TMEM14B: variants seen among roughly 807,000 people sequenced by gnomAD.
TMEM14B encodes transmembrane protein 14B.
In TMEM14B, 9 loss-of-function variants were observed where a neutral mutation model predicts 14.8. The ratio of observed to expected loss-of-function variants is 0.61; its 90% CI spans 0.37 to 1.06. The LOEUF (loss-of-function observed/expected upper bound fraction) is 1.06. TMEM14B is among the 50% of genes least tolerant of loss of function. The pLI, the probability that TMEM14B is intolerant of heterozygous loss-of-function variation, is 0.01. For synonymous variants in TMEM14B, 40 were observed against 51.3 expected, an observed-to-expected ratio of 0.78 and a Z score of 0.94; for missense variants, 128 against 143.6, an observed-to-expected ratio of 0.89 and a Z score of 0.56.
intron 3 of TMEM14B, 33 bp from the exon 4 acceptor site, chr6:10,751,100 A>G (rs1036175721): frequency 6.2e-7 from 1 of 1,611,680 alleles, no homozygotes; most frequent in Non-Finnish European, 8.5e-7. Context: ...AGTGCCTGAC[A>G]TTACAATGCA....
chr6:10,755,717 G>A, intron 5 of TMEM14B: 1 of 980,866 alleles, frequency 1.0e-6, no homozygotes, highest in South Asian at 4.1e-5. Flanking sequence ...CACAGTGGGA[G>A]GCCATGGCGG....
intron 4 of TMEM14B, among the ~76,000 whole-genome samples, chr6:10,752,335 A>G (rs1275094412): frequency 1.3e-5 from 2 of 151,304 alleles, no homozygotes; most frequent in Middle Eastern, 3.2e-3. Flanking sequence ...CTTCTCCCTG[A>G]CCGTCTCCAG....
intron 3 of TMEM14B, among the ~76,000 whole-genome samples, chr6:10,750,438 T>TG (rs113108299): frequency 0.038 from 2,437 of 64,796 alleles, 60 homozygotes; most frequent in African/African-American, 0.097. Flanking sequence ...TAGAATGGGG[T>TG]GGGGGGGGGG....
rs1483956375 is a variant in TMEM14B at position 10,751,121 on chromosome 6, G to C, written c.101-12G>C. ...TGACATTACAATGCAAGCTGCGTTT[G>C]CTTCCTTCTAGGCAGCGTGCCGTCC... On this transcript the variant is annotated splice_polypyrimidine_tract_variant and intron_variant, in intron 3 of 5. Coordinates refer to ENST00000379542, the MANE Select transcript of TMEM14B (RefSeq NM_030969.5). 6.2e-7 allele frequency: 1 copy of C among 1,613,092 alleles called. No homozygotes were observed. Among genetic ancestry groups the C allele is most frequent in the Admixed American group, 1.7e-5 (1 of 59,954 alleles).
intron 5 of TMEM14B, 111 bp from the exon 6 acceptor site, chr6:10,756,356 T>G: frequency 7.7e-7 from 1 of 1,291,498 alleles, no homozygotes; most frequent in Non-Finnish European, 1.1e-6. Context: ...CTTGCCTTAG[T>G]ACCTCCTCCC....
At chr6:10,757,629 T>C (rs1771853577), downstream of TMEM14B, among the ~76,000 whole-genome samples, 1 of 152,252 alleles carries the variant, frequency 6.6e-6, no homozygotes, top group African/African-American at 2.4e-5. Context: ...TAGTTCACTT[T>C]ATTCATGTTT....
intron 4 of TMEM14B, among the ~76,000 whole-genome samples, chr6:10,752,478 A>G (rs1391034593): frequency 8.6e-6 from 1 of 115,972 alleles, no homozygotes; most frequent in East Asian, 2.7e-4. Flanking sequence ...TTTTTTTGAG[A>G]CGGAGTCTCA....
chr6:10,749,820 A>C, intron 3 of TMEM14B, 122 bp downstream of exon 3: 8 of 1,141,718 alleles, frequency 7.0e-6, no homozygotes, highest in Non-Finnish European at 9.2e-6. Context: ...CCCAAGCTGG[A>C]GTGCAGGCTT....
chr6:10,750,498 G>A (rs974142006), intron 3 of TMEM14B, among the ~76,000 whole-genome samples: 1 of 151,758 alleles, frequency 6.6e-6, no homozygotes, highest in Non-Finnish European at 1.5e-5. Flanking sequence ...AAGTTAAAAG[G>A]ATAAATGGTT....
rs1771452883 is a variant in TMEM14B, at chr6:10,749,188, C to T, written c.-44-14C>T. The T allele has an allele frequency of 6.9e-6, 11 of 1,596,912 alleles. No homozygotes were observed. Among genetic ancestry groups the T allele is most frequent in the Non-Finnish European group, 9.4e-6 (11 of 1,164,990 alleles). ...GTGCTTTTAACCACTGCTGATCCGGCTTGTTTTCCCCAGATGCAGGCCTGG... is the reference window on the plus strand; with the variant it reads ...GTGCTTTTAACCACTGCTGATCCGGTTTGTTTTCCCCAGATGCAGGCCTGG... On this transcript the variant is annotated splice_polypyrimidine_tract_variant and intron_variant, in intron 1 of 5. Coordinates refer to ENST00000379542, the MANE Select transcript of TMEM14B (RefSeq NM_030969.5).
At chr6:10,755,097 C>A (rs187472023) in intron 4 of TMEM14B, 45 bp from the exon 5 acceptor site, 5 of 1,600,306 alleles carry the variant, frequency 3.1e-6, no homozygotes, top group Non-Finnish European at 4.3e-6. Flanking sequence ...GATTCCCCTG[C>A]GTAGAAGACT....
At chr6:10,754,704 C>T (rs556677897) in intron 4 of TMEM14B, among the ~76,000 whole-genome samples, 3 of 152,164 alleles carry the variant, frequency 2.0e-5, no homozygotes, top group East Asian at 3.8e-4. Context: ...AAGACAGTTA[C>T]GATTACTTTT....
chr6:10,749,124 T>A lies in TMEM14B; in HGVS notation c.-44-78T>A, dbSNP rs1468101589. The A allele has an allele frequency of 4.4e-6, 4 of 901,610 alleles. No individual in the cohort carries two copies. In the African/African-American group the frequency reaches 6.6e-5, roughly 15 times the overall value. The allele number at this position is 901,610 out of a possible 1,614,324, so 55.9% of individuals were successfully genotyped here. On this transcript the variant is annotated intron_variant, in intron 1 of 5. Transcript: ENST00000379542. The stretch of plus-strand genomic sequence containing the variant: ...ATACTGAGACTTAGGTTGCATAGCC[T>A]GCAGGTTGGACACACTTCTTTCTGA...
rs747987846 is a variant in TMEM14B, at chr6:10,755,246, A to G, written c.293+14A>G. On this transcript the variant is annotated intron_variant, in intron 5 of 5. Coordinates refer to ENST00000379542, the MANE Select transcript of TMEM14B (RefSeq NM_030969.5). ...TGCAGGTGCCAGGTACTTTCATTCT[A>G]TTACTCTTCTTTACCATGTAGAGTT... 26 of 1,613,984 alleles carry G rather than the reference A, an allele frequency of 1.6e-5. No homozygotes were observed. The highest frequency in any genetic ancestry group is 1.6e-4 in the Middle Eastern group (1 of 6,084).
intron 1 of TMEM14B, among the ~76,000 whole-genome samples, chr6:10,748,700 T>G (rs950384564): frequency 1.6e-4 from 24 of 152,142 alleles, no homozygotes; most frequent in Non-Finnish European, 3.1e-4. Flanking sequence ...TTCCGTGTAT[T>G]TTACCCTCCC....
At chr6:10,748,612 C>T (rs958185528) in intron 1 of TMEM14B, among the ~76,000 whole-genome samples, 1 of 152,198 alleles carries the variant, frequency 6.6e-6, no homozygotes, top group African/African-American at 2.4e-5. Flanking sequence ...AGGTTCACTG[C>T]ATACAGAATA....
At chr6:10,754,601 C>G (rs1771734831) in intron 4 of TMEM14B, among the ~76,000 whole-genome samples, 1 of 152,234 alleles carries the variant, frequency 6.6e-6, no homozygotes, top group South Asian at 2.1e-4. Flanking sequence ...TGTGTAGCAT[C>G]AATTATACCT....
In TMEM14B at chr6:10,751,318, C is replaced by T. The variant is rs1194459970; in HGVS notation, c.202+84C>T. The T allele has an allele frequency of 6.4e-5, 93 of 1,453,010 alleles. No homozygotes were observed. The highest frequency in any genetic ancestry group is 3.5e-5 in the Non-Finnish European group (37 of 1,051,854). The allele number at this position is 1,453,010 out of a possible 1,614,324, so 90.0% of individuals were successfully genotyped here. ...AAGACCCTGGTTTGGTGGGATGGAG[C>T]GAGTTCTTCCCACTTAATTTACGAC... On this transcript the variant is annotated intron_variant, in intron 4 of 5. Coordinates refer to ENST00000379542, the MANE Select transcript of TMEM14B (RefSeq NM_030969.5).
In TMEM14B at chr6:10,756,630, T is replaced by G; in HGVS notation, c.*112T>G. ...GCATTTTTGCATCTGACATTTTACC[T>G]AAAAAAAAAAAGACACCAAATTTGG... On this transcript the variant is annotated 3_prime_UTR_variant, in exon 6 of 6. Transcript: ENST00000379542. 1 of 1,132,284 alleles carries G rather than the reference T, an allele frequency of 8.8e-7. No homozygotes were observed. Among genetic ancestry groups the G allele is most frequent in the Non-Finnish European group, 1.2e-6 (1 of 850,298 alleles). 70.1% of individuals were successfully genotyped at this position (1,132,284 alleles called of 1,614,324 possible).
Sources: allele counts gnomAD v4.1 joint callset (sites outside exome capture counted in the v4.1 genomes callset), GRCh38; gene constraint gnomAD v4.1.1; transcripts MANE v1.5; gene names NCBI Gene and HGNC (gene_info 2026-07-23, HGNC 2026-07-21).